Variants in CIBAR1 observed in about 807,000 individuals in gnomAD.
CIBAR1 encodes the protein CBY1 interacting BAR domain containing 1, also known as CBY1-interacting BAR domain-containing protein 1.
In CIBAR1, 25 loss-of-function variants were observed where a neutral mutation model predicts 44.0. The observed-to-expected ratio is 0.57, with a 90% confidence interval of 0.41 to 0.79. The LOEUF (loss-of-function observed/expected upper bound fraction) is 0.79. Ranked by LOEUF, CIBAR1 falls within the 30% of genes least tolerant of loss-of-function variation. CIBAR1 has a pLI of 0.00. For synonymous variants in CIBAR1, 115 were observed against 119.0 expected (o/e 0.97, Z 0.22); for missense variants, 278 against 344.8 (o/e 0.81, Z 1.53).
intron 5 of CIBAR1, 73 bp from the exon 6 acceptor site, chr8:93,709,698 T>A: frequency 1.6e-6 from 2 of 1,253,396 alleles, no homozygotes; most frequent in Non-Finnish European, 2.3e-6. Context: ...ATGGTAGAAT[T>A]TACCAGTAGG....
chr8:93,704,229 A>G (rs1231447563), intron 3 of CIBAR1, among the ~76,000 whole-genome samples: 1 of 152,206 alleles, frequency 6.6e-6, no homozygotes, highest in Non-Finnish European at 1.5e-5. Flanking sequence ...TATGAAAAAT[A>G]TATGGACAGA....
chr8:93,712,953 A>C (rs1810883463), intron 6 of CIBAR1, among the ~76,000 whole-genome samples: 1 of 148,418 alleles, frequency 6.7e-6, no homozygotes, highest in Admixed American at 6.7e-5. Context: ...TGGCCTGATG[A>C]TGCTTTTTGG....
At position 93,728,286 on chromosome 8, in the gene CIBAR1, TTTC is replaced by T. The variant is rs780338775; in HGVS notation, c.862_864del (p.Leu288del). 13 of 1,580,412 alleles carry T rather than the reference TTTC, an allele frequency of 8.2e-6. No homozygotes were observed. In the African/African-American group the frequency reaches 1.4e-4, roughly 17 times the overall value. On this transcript the variant is annotated inframe_deletion, in exon 9 of 9. Coordinates refer to ENST00000518322, the MANE Select transcript of CIBAR1 (RefSeq NM_145269.5). ...GTTAGATGTTACAGAAGAAGAAAAT[TTTC>T]TTAAGTAAACTACACATTTCCATTT...
Position 93,728,441 on chromosome 8 carries a change from C to T in CIBAR1, c.*144C>T. ...ATAATTAAAGGAAACTTATGCTGAC[C>T]AAAAATGAAGGCTTTAAAAAATATT... On this transcript the variant is annotated 3_prime_UTR_variant, in exon 9 of 9. Coordinates refer to ENST00000518322, the MANE Select transcript of CIBAR1 (RefSeq NM_145269.5). The T allele has an allele frequency of 1.9e-6, 1 of 525,126 alleles. No homozygotes were observed. The highest frequency in any genetic ancestry group is 4.1e-5 in the Admixed American group (1 of 24,352). The allele number at this position is 525,126 out of a possible 1,614,324, so 32.5% of individuals were successfully genotyped here.
intron 5 of CIBAR1, 173 bp from the exon 6 acceptor site, chr8:93,709,598 T>C: frequency 1.7e-6 from 1 of 588,498 alleles, no homozygotes; most frequent in South Asian, 2.0e-5. Context: ...AGTTCTTTAT[T>C]CTGCATGTGC....
intron 5 of CIBAR1, among the ~76,000 whole-genome samples, chr8:93,708,677 A>G (rs1272714981): frequency 6.6e-6 from 1 of 152,234 alleles, no homozygotes; most frequent in Non-Finnish European, 1.5e-5. Flanking sequence ...AGAAGAATCT[A>G]CAAGTAGAAG....
intron 8 of CIBAR1, among the ~76,000 whole-genome samples, chr8:93,727,978 A>G (rs1013451087): frequency 1.1e-4 from 17 of 152,082 alleles, no homozygotes; most frequent in Non-Finnish European, 2.4e-4. Context: ...CTATCCAACT[A>G]AAATCAAATG....
Position 93,706,576 on chromosome 8 carries a change from G to C in CIBAR1, c.433-1435G>C, listed in dbSNP as rs142743727. ...TGAATCAGGAGTACTGGTGTCTACA[G>C]TAAACACAGAAATGAATCTATTCCT... is the stretch of plus-strand genomic sequence containing the variant. On this transcript the variant is annotated intron_variant, in intron 4 of 8. Coordinates refer to ENST00000518322, the MANE Select transcript of CIBAR1 (RefSeq NM_145269.5). Among the ~76,000 whole-genome samples, 153 of 152,288 alleles carry C rather than the reference G, an allele frequency of 1.0e-3. 2 individuals carry two copies. In the East Asian group the frequency reaches 0.025, roughly 25 times the overall value.
intron 4 of CIBAR1, chr8:93,705,587 C>T (rs566500559): frequency 1.3e-5 from 2 of 152,402 alleles, no homozygotes; most frequent in South Asian, 2.1e-4. Context: ...GTGCCTTGTT[C>T]GTGAGTAAAC....
At chr8:93,713,943 A>C (rs1336639120) in intron 6 of CIBAR1, among the ~76,000 whole-genome samples, 1 of 152,142 alleles carries the variant, frequency 6.6e-6, no homozygotes, top group Non-Finnish European at 1.5e-5. Context: ...TGATGTGGCT[A>C]TTCTGGATCT....
intron 7 of CIBAR1, chr8:93,724,636 C>G (rs1811403716): frequency 2.5e-6 from 3 of 1,203,090 alleles, no homozygotes; most frequent in Non-Finnish European, 3.2e-6. Context: ...ATAGTTTGGT[C>G]TTCTAGGTAA....
At chr8:93,711,661 G>A (rs1810828116) in intron 6 of CIBAR1, among the ~76,000 whole-genome samples, 1 of 152,196 alleles carries the variant, frequency 6.6e-6, no homozygotes, top group Admixed American at 6.5e-5. Context: ...AAATGGGAAT[G>A]GAGACTTGTG....
intron 1 of CIBAR1, 77 bp downstream of exon 1, chr8:93,700,750 T>TG: frequency 2.1e-6 from 3 of 1,419,094 alleles, no homozygotes; most frequent in Non-Finnish European, 2.8e-6. Context: ...CCTCTGTCCA[T>TG]GGGGCCTCTG....
At chr8:93,709,703 A>T in intron 5 of CIBAR1, 68 bp from the exon 6 acceptor site, 1 of 1,299,416 alleles carries the variant, frequency 7.7e-7, no homozygotes, top group Non-Finnish European at 1.1e-6. Context: ...AGAATTTACC[A>T]GTAGGCTCAA....
At chr8:93,712,766 A>G (rs1031648242) in intron 6 of CIBAR1, among the ~76,000 whole-genome samples, 6 of 148,756 alleles carry the variant, frequency 4.0e-5, no homozygotes, top group Non-Finnish European at 8.9e-5. Flanking sequence ...TTATTGTAGT[A>G]GTCGTCTCAT....
intron 6 of CIBAR1, among the ~76,000 whole-genome samples, chr8:93,717,128 C>A (rs1049775525): frequency 4.6e-5 from 7 of 152,204 alleles, no homozygotes; most frequent in Admixed American, 1.3e-4. Context: ...GGATTATAGG[C>A]ACATGCCATT....
intron 8 of CIBAR1, chr8:93,726,812 G>A: frequency 2.8e-6 from 1 of 359,816 alleles, no homozygotes; most frequent in South Asian, 2.4e-5. Context: ...AGCAGATTCT[G>A]AAGTCCAACT....
At chr8:93,709,916 CTTTTT>C in intron 6 of CIBAR1, 41 bp downstream of exon 6, 2 of 1,412,566 alleles carry the variant, frequency 1.4e-6, no homozygotes, top group South Asian at 2.6e-5. Context: ...TGTTTTTAAC[CTTTTT>C]TTTTACTTTA....
intron 6 of CIBAR1, chr8:93,715,278 G>A (rs1810997201): frequency 6.6e-6 from 1 of 152,224 alleles, no homozygotes; most frequent in Middle Eastern, 3.4e-3. Flanking sequence ...GAATTTCACA[G>A]TTACAAAAAA....
Sources: allele counts gnomAD v4.1 joint callset (sites outside exome capture counted in the v4.1 genomes callset), GRCh38; gene constraint gnomAD v4.1.1; transcripts MANE v1.5; gene names NCBI Gene and HGNC (gene_info 2026-07-23, HGNC 2026-07-21).